The following MACROD2 variants were observed in gnomAD, a reference collection of about 807,000 sequenced individuals.
MACROD2 encodes mono-ADP ribosylhydrolase 2, also known as ADP-ribose glycohydrolase MACROD2.
MACROD2 carries 36 observed loss-of-function variants against 70.4 expected under a neutral mutation model. The ratio of observed to expected loss-of-function variants is 0.51; its 90% CI spans 0.39 to 0.68. The LOEUF is 0.68. MACROD2 is among the 30% of genes least tolerant of loss of function. The pLI is 0.00. For missense variants in MACROD2, 496 were observed against 538.4 expected, an observed-to-expected ratio of 0.92 and a Z score of 0.78; for synonymous variants, 172 against 178.8, an observed-to-expected ratio of 0.96 and a Z score of 0.30.
rs564317420 is a variant in MACROD2 at position 14,466,889 on chromosome 20, C to T, written c.272-26590C>T. Among the ~76,000 whole-genome samples the T allele has an allele frequency of 3.9e-5, 6 of 152,188 alleles. 1 individual carries two copies. The highest frequency in any genetic ancestry group is 3.9e-4 in the Admixed American group (6 of 15,292). On this transcript the variant is annotated intron_variant, in intron 3 of 17. Transcript: ENST00000684519. ...CAAATGCTGCTGCCTGATCGTTCCT[C>T]TGGAAGTTTTGTCTCAGAGGAGTAC...
intron 8 of MACROD2, among the ~76,000 whole-genome samples, chr20:15,857,741 G>A (rs1002176719): frequency 2.0e-5 from 3 of 152,070 alleles, no homozygotes; most frequent in African/African-American, 7.2e-5. Context: ...TGTAACAGAG[G>A]CATAGAAAGA....
chr20:15,885,615 A>G, intron 9 of MACROD2, 149 bp from the exon 10 acceptor site: 1 of 651,446 alleles, frequency 1.5e-6, no homozygotes, highest in East Asian at 4.1e-5. Flanking sequence ...CATGATAATA[A>G]TAAGACAACA....
chr20:14,862,226 T>TATATTTATATATTA (rs2073347563), intron 5 of MACROD2, among the ~76,000 whole-genome samples: 1 of 49,866 alleles, frequency 2.0e-5, no homozygotes, highest in Non-Finnish European at 3.3e-5. Flanking sequence ...TATATAAATA[T>TATATTTATATATTA]ATATAAATAT....
At chr20:16,003,908 G>T (rs1321251333) in intron 15 of MACROD2, among the ~76,000 whole-genome samples, 2 of 152,082 alleles carry the variant, frequency 1.3e-5, no homozygotes, top group East Asian at 3.9e-4. Flanking sequence ...TGACCTCCTG[G>T]TCTGCCCGCC....
At chr20:15,384,988 A>G (rs1473785203) in intron 6 of MACROD2, among the ~76,000 whole-genome samples, 1 of 152,186 alleles carries the variant, frequency 6.6e-6, no homozygotes, top group Non-Finnish European at 1.5e-5. Context: ...GGAAATTATC[A>G]AACTGCTAAA....
intron 2 of MACROD2, among the ~76,000 whole-genome samples, chr20:14,015,484 G>A (rs1326221861): frequency 6.6e-6 from 1 of 152,202 alleles, no homozygotes; most frequent in Non-Finnish European, 1.5e-5. Flanking sequence ...GGCTGAAGTA[G>A]GAGGATTGCT....
chr20:14,766,092 T>C (rs1180112583), intron 5 of MACROD2, among the ~76,000 whole-genome samples: 1 of 151,950 alleles, frequency 6.6e-6, no homozygotes, highest in African/African-American at 2.4e-5. Flanking sequence ...TACGATTCAC[T>C]AGAAAGCTGT....
chr20:14,029,258 G>T (rs1387615348), intron 2 of MACROD2, among the ~76,000 whole-genome samples: 1 of 152,124 alleles, frequency 6.6e-6, no homozygotes, highest in Admixed American at 6.5e-5. Flanking sequence ...GTCTTTAATT[G>T]TAAGCCATCT....
In MACROD2 at chr20:15,150,983, C is replaced by T. The variant is rs2076265080; in HGVS notation, c.419-78957C>T. The stretch of plus-strand genomic sequence containing the variant: ...AAGGTAATGTGGCGTGGGTAGCCTC[C>T]ATATTGATTAAGAAGGGGACGGACT... On this transcript the variant is annotated intron_variant, in intron 5 of 17. Transcript: ENST00000684519. 2.0e-5 allele frequency among the ~76,000 whole-genome samples: 3 copies of T among 151,826 alleles called. No individual in the cohort carries two copies. In the South Asian group the frequency reaches 6.2e-4, roughly 31 times the overall value.
At chr20:15,418,503 C>T (rs891565802) in intron 6 of MACROD2, among the ~76,000 whole-genome samples, 4 of 152,170 alleles carry the variant, frequency 2.6e-5, no homozygotes, top group Admixed American at 6.5e-5. Context: ...GGGTTGGGAA[C>T]TATTTCTCTC....
chr20:14,574,562 C>A (rs1442087883), intron 4 of MACROD2, among the ~76,000 whole-genome samples: 1 of 151,900 alleles, frequency 6.6e-6, no homozygotes, highest in Non-Finnish European at 1.5e-5. Context: ...AGTATTCTGG[C>A]TAAGGCACAT....
intron 8 of MACROD2, among the ~76,000 whole-genome samples, chr20:15,618,984 A>G (rs2049085280): frequency 6.6e-6 from 1 of 152,192 alleles, no homozygotes; most frequent in Non-Finnish European, 1.5e-5. Context: ...AGATGAAACC[A>G]TAGGGAACTG....
At chr20:16,013,226 A>G (rs34589426) in intron 15 of MACROD2, among the ~76,000 whole-genome samples, 14,839 of 152,226 alleles carry the variant, frequency 0.097, 738 homozygotes, top group East Asian at 0.14. Flanking sequence ...AAATCTAGGA[A>G]GAGAAGAGGG....
chr20:14,725,072 G>A (rs552436221), intron 5 of MACROD2, among the ~76,000 whole-genome samples: 1 of 152,192 alleles, frequency 6.6e-6, no homozygotes, highest in East Asian at 1.9e-4. Flanking sequence ...CTCATGGATT[G>A]GATATGGGGA....
intron 6 of MACROD2, among the ~76,000 whole-genome samples, chr20:15,419,739 C>T (rs958412573): frequency 1.2e-4 from 19 of 152,178 alleles, no homozygotes; most frequent in African/African-American, 4.6e-4. Flanking sequence ...TAAGGGCGTC[C>T]CCCTGCACTT....
chr20:14,021,398 C>G (rs562639056), intron 2 of MACROD2, among the ~76,000 whole-genome samples: 117 of 152,268 alleles, frequency 7.7e-4, no homozygotes, highest in Middle Eastern at 6.8e-3. Flanking sequence ...GGCCTTGGAA[C>G]TTTAAGAGCA....
At chr20:15,846,305 A>G (rs2064230223) in intron 8 of MACROD2, among the ~76,000 whole-genome samples, 2 of 152,144 alleles carry the variant, frequency 1.3e-5, no homozygotes, top group South Asian at 2.1e-4. Flanking sequence ...AAATAATCTC[A>G]TAGGTTCCCT....
intron 10 of MACROD2, among the ~76,000 whole-genome samples, chr20:15,905,559 G>A (rs1347519538): frequency 6.6e-6 from 1 of 152,152 alleles, no homozygotes; most frequent in Non-Finnish European, 1.5e-5. Flanking sequence ...TAGAGTGATT[G>A]TTTTCAATGT....
At chr20:14,797,195 G>A (rs774670788) in intron 5 of MACROD2, among the ~76,000 whole-genome samples, 10 of 151,948 alleles carry the variant, frequency 6.6e-5, no homozygotes, top group Non-Finnish European at 1.2e-4. Context: ...AGACTGTTGC[G>A]ATATCCTTCT....
Sources: allele counts gnomAD v4.1 joint callset (sites outside exome capture counted in the v4.1 genomes callset), GRCh38; gene constraint gnomAD v4.1.1; transcripts MANE v1.5; gene names NCBI Gene and HGNC (gene_info 2026-07-23, HGNC 2026-07-21).